Variants in FLT1 observed in about 807,000 individuals in gnomAD.
FLT1 encodes fms related receptor tyrosine kinase 1.
FLT1 carries 49 observed loss-of-function variants against 156.3 expected under a neutral mutation model. The ratio of observed to expected loss-of-function variants is 0.31; its 90% confidence interval spans 0.25 to 0.40. FLT1 has a LOEUF of 0.40. FLT1 is among the 10% of genes least tolerant of loss of function. The pLI is 1.00. For missense variants in FLT1, 1,322 were observed against 1,637.2 expected (o/e 0.81, Z 3.32); for synonymous variants, 594 against 583.8 (o/e 1.02, Z -0.25).
intron 14 of FLT1, among the ~76,000 whole-genome samples, chr13:28,358,882 G>T (rs1251933460): frequency 1.3e-5 from 2 of 152,170 alleles, no homozygotes; most frequent in Non-Finnish European, 1.5e-5. Flanking sequence ...CTTGGGGAAG[G>T]CTGCATAGAA....
chr13:28,354,578 A>G (rs1872835405), intron 15 of FLT1, among the ~76,000 whole-genome samples: 1 of 152,140 alleles, frequency 6.6e-6, no homozygotes, highest in African/African-American at 2.4e-5. Context: ...AGCGCTACTT[A>G]TTTGTTTCTT....
At chr13:28,416,132 T>C (rs12100227) in intron 10 of FLT1, among the ~76,000 whole-genome samples, 5 of 152,312 alleles carry the variant, frequency 3.3e-5, no homozygotes, top group African/African-American at 1.2e-4. Context: ...AACAACCTTA[T>C]GATGTCAGTG....
At chr13:28,429,641 T>C (rs867510246) in intron 8 of FLT1, among the ~76,000 whole-genome samples, 2 of 152,182 alleles carry the variant, frequency 1.3e-5, no homozygotes, top group Non-Finnish European at 2.9e-5. Flanking sequence ...AACCCAGCTG[T>C]ATATAAAAGA....
At chr13:28,340,732 T>C (rs1326476664) in intron 16 of FLT1, among the ~76,000 whole-genome samples, 1 of 152,222 alleles carries the variant, frequency 6.6e-6, no homozygotes, top group Non-Finnish European at 1.5e-5. Context: ...ACAGCTCACC[T>C]CATCCATCAC....
intron 10 of FLT1, among the ~76,000 whole-genome samples, chr13:28,407,710 TG>T (rs1875896058): frequency 6.6e-6 from 1 of 152,268 alleles, no homozygotes; most frequent in Non-Finnish European, 1.5e-5. Flanking sequence ...AAGGAATTTC[TG>T]CAGTTTTTAC....
At chr13:28,418,328 T>C (rs1333316833) in intron 10 of FLT1, among the ~76,000 whole-genome samples, 3 of 152,158 alleles carry the variant, frequency 2.0e-5, no homozygotes, top group Admixed American at 6.5e-5. Flanking sequence ...ATTCACCTAT[T>C]TGCTGCTCGT....
At chr13:28,321,384 GA>G in intron 23 of FLT1, 78 bp downstream of exon 23, 1 of 1,513,302 alleles carries the variant, frequency 6.6e-7, no homozygotes. Flanking sequence ...TACAGCTGAG[GA>G]AGTGTAAATA....
intron 1 of FLT1, among the ~76,000 whole-genome samples, chr13:28,480,533 T>C (rs117539652): frequency 0.021 from 3,134 of 152,312 alleles, 58 homozygotes; most frequent in Non-Finnish European, 0.033. Flanking sequence ...TAGAATAAAG[T>C]TGGAGGTGAG....
intron 14 of FLT1, among the ~76,000 whole-genome samples, chr13:28,361,692 T>C (rs1381762690): frequency 6.6e-6 from 1 of 152,202 alleles, no homozygotes; most frequent in East Asian, 1.9e-4. Context: ...GTCTAAAAAA[T>C]TAAAAACACA....
chr13:28,321,762 C>T (rs1490172914), intron 22 of FLT1, among the ~76,000 whole-genome samples, 177 bp from the exon 23 acceptor site: 2 of 152,212 alleles, frequency 1.3e-5, no homozygotes, highest in Non-Finnish European at 2.9e-5. Flanking sequence ...AATACAGGTC[C>T]CCAAGCCCTC....
chr13:28,323,490 G>A (rs1254689191), intron 20 of FLT1, among the ~76,000 whole-genome samples: 1 of 151,816 alleles, frequency 6.6e-6, no homozygotes, highest in African/African-American at 2.4e-5. Context: ...CGTCTCTACT[G>A]AAAATACAAA....
chr13:28,432,043 C>CTTGGCCT (rs1368110063), intron 6 of FLT1, among the ~76,000 whole-genome samples: 7 of 152,146 alleles, frequency 4.6e-5, no homozygotes, highest in Non-Finnish European at 1.0e-4. Flanking sequence ...TTAGGCTCTG[C>CTTGGCCT]AATCTGACCT....
At chr13:28,333,528 T>C (rs758507339) in intron 18 of FLT1, among the ~76,000 whole-genome samples, 7 of 152,250 alleles carry the variant, frequency 4.6e-5, no homozygotes, top group Non-Finnish European at 8.8e-5. Context: ...TTTAAACTGC[T>C]AAAGAGGAAA....
At chr13:28,377,745 C>A (rs926339107) in intron 14 of FLT1, among the ~76,000 whole-genome samples, 7 of 152,078 alleles carry the variant, frequency 4.6e-5, no homozygotes, top group African/African-American at 1.7e-4. Context: ...AAAGTAACAC[C>A]CAATCTGAGT....
At chr13:28,419,067 T>C (rs1020197472) in intron 10 of FLT1, among the ~76,000 whole-genome samples, 2 of 152,200 alleles carry the variant, frequency 1.3e-5, no homozygotes, top group African/African-American at 4.8e-5. Flanking sequence ...ACAGCTATTA[T>C]AATGAAGTAG....
At chr13:28,339,766 G>T (rs1274303993) in intron 16 of FLT1, among the ~76,000 whole-genome samples, 1 of 152,146 alleles carries the variant, frequency 6.6e-6, no homozygotes, top group East Asian at 1.9e-4. Context: ...AAAGCAAGAA[G>T]TGGCAAAGTA....
intron 16 of FLT1, among the ~76,000 whole-genome samples, 179 bp downstream of exon 16, chr13:28,345,266 C>G (rs772753925): frequency 2.0e-5 from 3 of 152,126 alleles, no homozygotes; most frequent in Non-Finnish European, 2.9e-5. Context: ...GAACACCCCC[C>G]CTTGTGGCTA....
At chr13:28,423,751 G>A (rs1172179650) in intron 10 of FLT1, among the ~76,000 whole-genome samples, 2 of 152,152 alleles carry the variant, frequency 1.3e-5, no homozygotes, top group East Asian at 3.8e-4. Context: ...GGCACTATAT[G>A]CTTAACATCC....
At chr13:28,453,390 T>C (rs1338571136) in intron 3 of FLT1, among the ~76,000 whole-genome samples, 1 of 152,110 alleles carries the variant, frequency 6.6e-6, no homozygotes, top group Non-Finnish European at 1.5e-5. Flanking sequence ...CCCCAAGTGT[T>C]GGGACTACAG....
Sources: allele counts gnomAD v4.1 joint callset (sites outside exome capture counted in the v4.1 genomes callset), GRCh38; gene constraint gnomAD v4.1.1; transcripts MANE v1.5; gene names NCBI Gene and HGNC (gene_info 2026-07-23, HGNC 2026-07-21).